Variants in GPM6A observed in about 807,000 individuals in gnomAD.
GPM6A encodes neuronal membrane glycoprotein M6-a.
GPM6A carries 7 observed loss-of-function variants against 32.1 expected under a neutral mutation model. The observed-to-expected ratio is 0.22, with a 90% CI of 0.12 to 0.41. The LOEUF is 0.41. Ranked by LOEUF, GPM6A falls within the 10% of genes least tolerant of loss-of-function variation. The pLI is 1.00. For synonymous variants in GPM6A, 130 were observed against 123.4 expected (o/e 1.05, Z -0.35); for missense variants, 235 against 347.2 (o/e 0.68, Z 2.57).
chr4:175,996,020 T>C (rs752740475), intron 1 of GPM6A, among the ~76,000 whole-genome samples: 8 of 152,186 alleles, frequency 5.3e-5, no homozygotes, highest in Non-Finnish European at 1.0e-4. Flanking sequence ...TCACCTCTTG[T>C]CAAACAGTTG....
chr4:175,817,018 G>A (rs999718696), upstream of GPM6A, among the ~76,000 whole-genome samples: 5 of 151,938 alleles, frequency 3.3e-5, no homozygotes, highest in East Asian at 1.9e-4. Context: ...CACCACGCCC[G>A]GCTAATTTTT....
At chr4:175,787,648 C>T in intron 1 of GPM6A, 1 of 1,226,156 alleles carries the variant, frequency 8.2e-7, no homozygotes. Context: ...TGACATAACT[C>T]TTCCTAGTCA....
intron 1 of GPM6A, among the ~76,000 whole-genome samples, chr4:175,902,344 C>G (rs559104762): frequency 6.6e-6 from 1 of 152,098 alleles, no homozygotes; most frequent in Non-Finnish European, 1.5e-5. Flanking sequence ...TAAAAAGCAG[C>G]CTCCAAATCA....
chr4:175,689,083 A>T (rs1028182911), intron 2 of GPM6A, among the ~76,000 whole-genome samples: 3 of 152,128 alleles, frequency 2.0e-5, no homozygotes, highest in African/African-American at 7.2e-5. Flanking sequence ...CATGAGCCAC[A>T]ATGCCTGGCC....
chr4:175,697,867 T>C (rs542881028), intron 2 of GPM6A, among the ~76,000 whole-genome samples: 18 of 152,308 alleles, frequency 1.2e-4, no homozygotes, highest in Non-Finnish European at 8.8e-5. Context: ...GCTGATAGTA[T>C]TTAGAATTAT....
intron 1 of GPM6A, among the ~76,000 whole-genome samples, chr4:175,938,293 G>A (rs997158170): frequency 2.6e-5 from 4 of 152,110 alleles, no homozygotes; most frequent in Admixed American, 2.6e-4. Flanking sequence ...TGAGTCAAAT[G>A]GTATTTCTGG....
chr4:175,834,962 C>A (rs1339540476), intron 1 of GPM6A, among the ~76,000 whole-genome samples: 1 of 152,212 alleles, frequency 6.6e-6, no homozygotes, highest in Non-Finnish European at 1.5e-5. Flanking sequence ...CTAGAACTAA[C>A]TACGCTGCCT....
At chr4:175,721,040 T>TTATA (rs1553981496) in intron 1 of GPM6A, among the ~76,000 whole-genome samples, 1 of 44,706 alleles carries the variant, frequency 2.2e-5, no homozygotes, top group Non-Finnish European at 5.9e-5. Context: ...TACATATATA[T>TTATA]TATATATATA....
intron 1 of GPM6A, among the ~76,000 whole-genome samples, chr4:175,871,811 G>A (rs2111439802): frequency 6.6e-6 from 1 of 152,284 alleles, no homozygotes; most frequent in Middle Eastern, 3.4e-3. Context: ...TTTTGTATGA[G>A]AATAGCTGTG....
At chr4:175,992,595 T>TGG (rs1319223330) in intron 1 of GPM6A, among the ~76,000 whole-genome samples, 3 of 152,218 alleles carry the variant, frequency 2.0e-5, no homozygotes, top group Non-Finnish European at 4.4e-5. Context: ...CAATAATAGC[T>TGG]GAGTTTTTGG....
At chr4:175,794,297 C>A (rs895656760) in intron 1 of GPM6A, among the ~76,000 whole-genome samples, 3 of 152,198 alleles carry the variant, frequency 2.0e-5, no homozygotes, top group African/African-American at 7.2e-5. Context: ...GATGTTATCT[C>A]AACAAGTGTT....
chr4:175,942,336 C>T (rs11733419), intron 1 of GPM6A, among the ~76,000 whole-genome samples: 24,669 of 152,128 alleles, frequency 0.16, 2,203 homozygotes, highest in Non-Finnish European at 0.2. Flanking sequence ...TGCCTGTTCA[C>T]TCTGATGATA....
chr4:175,910,848 C>T (rs1738291675), intron 1 of GPM6A, among the ~76,000 whole-genome samples: 1 of 152,190 alleles, frequency 6.6e-6, no homozygotes, highest in Non-Finnish European at 1.5e-5. Context: ...AGCAACTACT[C>T]TACTCCTATA....
intron 1 of GPM6A, among the ~76,000 whole-genome samples, chr4:175,710,858 G>A (rs1263892755): frequency 6.6e-6 from 1 of 152,048 alleles, no homozygotes; most frequent in Non-Finnish European, 1.5e-5. Context: ...TTAGAGTCCT[G>A]ACCCTTATGC....
intron 2 of GPM6A, among the ~76,000 whole-genome samples, chr4:175,696,141 A>T (rs529662773): frequency 5.3e-5 from 8 of 152,198 alleles, no homozygotes; most frequent in South Asian, 2.1e-4. Flanking sequence ...AAACACTTGT[A>T]TAGTGCTTAC....
chr4:175,817,517 C>G (rs1183763296), intron 1 of GPM6A, among the ~76,000 whole-genome samples: 3 of 152,194 alleles, frequency 2.0e-5, no homozygotes, highest in African/African-American at 2.4e-5. Context: ...GAGCCTACCT[C>G]AAGGATATCT....
chr4:175,936,495 G>A (rs1453861815), intron 1 of GPM6A, among the ~76,000 whole-genome samples: 1 of 151,942 alleles, frequency 6.6e-6, no homozygotes, highest in East Asian at 1.9e-4. Flanking sequence ...AGTTGGGATT[G>A]CTCTACATTG....
chr4:175,928,864 T>C (rs1738932773), intron 1 of GPM6A, among the ~76,000 whole-genome samples: 1 of 152,218 alleles, frequency 6.6e-6, no homozygotes, highest in African/African-American at 2.4e-5. Flanking sequence ...TATTAAACTC[T>C]GAAAACTAAA....
At chr4:175,684,745 G>A (rs2111017634) in intron 2 of GPM6A, among the ~76,000 whole-genome samples, 1 of 152,122 alleles carries the variant, frequency 6.6e-6, no homozygotes, top group South Asian at 2.1e-4. Flanking sequence ...GTTCATTTGT[G>A]TGCCAGTAAC....
Sources: allele counts gnomAD v4.1 joint callset (sites outside exome capture counted in the v4.1 genomes callset), GRCh38; gene constraint gnomAD v4.1.1; transcripts MANE v1.5; gene names NCBI Gene and HGNC (gene_info 2026-07-23, HGNC 2026-07-21).